The following BDH1 variants were observed in gnomAD, a reference collection of about 807,000 sequenced individuals.
The protein encoded by BDH1 is D-beta-hydroxybutyrate dehydrogenase, mitochondrial.
BDH1 carries 30 observed loss-of-function variants against 33.1 expected under a neutral mutation model. That is an observed-to-expected ratio of 0.91 (90% CI 0.68 to 1.23). The LOEUF (loss-of-function observed/expected upper bound fraction) is 1.23. Among genes scored for constraint, BDH1 ranks in the 50% most tolerant of loss-of-function variants. BDH1 has a pLI of 0.00. For missense variants in BDH1, 443 were observed against 464.4 expected (o/e 0.95, Z 0.42); for synonymous variants, 190 against 183.6 (o/e 1.03, Z -0.28).
intron 3 of BDH1, among the ~76,000 whole-genome samples, chr3:197,543,760 T>C (rs2108755547): frequency 6.6e-6 from 1 of 152,192 alleles, no homozygotes; most frequent in South Asian, 2.1e-4. Flanking sequence ...ACCTGGATGA[T>C]AGTGGGGAAA....
intron 1 of BDH1, among the ~76,000 whole-genome samples, chr3:197,563,907 GC>G (rs1467475072): frequency 6.6e-6 from 1 of 151,978 alleles, no homozygotes; most frequent in African/African-American, 2.4e-5. Context: ...TTTGAGACCA[GC>G]CTGGTCAACA....
rs772311219 is a variant in BDH1, at chr3:197,512,159, G to T, written c.768C>A (p.Ile256=). Reference sequence around the variant, plus strand: ...GCAGCTCCTCCCACATCTTCTTGGCGATGGCCTGAATGCTCTCAGGGCTGT... The same window carrying T: ...GCAGCTCCTCCCACATCTTCTTGGCTATGGCCTGAATGCTCTCAGGGCTGT... ...SLYSPESIQA[I]AKKMWEELPE... The change falls in exon 8 of 8, where the codon ATC becomes ATA. Residue 256 remains isoleucine, a synonymous_variant. Coordinates refer to ENST00000392379, the MANE Select transcript of BDH1 (RefSeq NM_203314.3). The T allele has an allele frequency of 2.2e-5, 35 of 1,614,148 alleles. No homozygotes were observed. The highest frequency in any genetic ancestry group is 3.0e-5 in the Non-Finnish European group (35 of 1,180,024).
chr3:197,543,037 G>A (rs900755590), intron 3 of BDH1: 18 of 985,306 alleles, frequency 1.8e-5, no homozygotes, highest in Admixed American at 6.1e-5. Flanking sequence ...TGGCCAGGGC[G>A]TTCATTCTGG....
Position 197,510,699 on chromosome 3 carries a change from GTGTGTGT to G in BDH1, c.*1189_*1195del. On this transcript the variant is annotated 3_prime_UTR_variant, in exon 8 of 8. Coordinates refer to ENST00000392379, the MANE Select transcript of BDH1 (RefSeq NM_203314.3). The stretch of plus-strand genomic sequence containing the variant: ...ATGTGTGTAAGGTGTGTGTGTGTGT[GTGTGTGT>G]GTGTGTGTGTGTACATGTGTGTAAG... The G allele has an allele frequency of 1.7e-5, 2 of 114,374 alleles. No individual in the cohort carries two copies. Among genetic ancestry groups the G allele is most frequent in the African/African-American group, 3.9e-5 (1 of 25,448 alleles). The allele number at this position is 114,374 out of a possible 1,614,324, so 7.1% of individuals were successfully genotyped here. A position where few individuals can be genotyped will look rare whatever the true frequency, so the allele number is the denominator to read the frequency against.
At chr3:197,532,234 G>C (rs760734232) in intron 5 of BDH1, among the ~76,000 whole-genome samples, 178 bp downstream of exon 5, 1 of 152,176 alleles carries the variant, frequency 6.6e-6, no homozygotes, top group Non-Finnish European at 1.5e-5. Context: ...TGGATGGATG[G>C]ATGCATGGAT....
chr3:197,557,039 C>T (rs952834472), upstream of BDH1, among the ~76,000 whole-genome samples: 5 of 152,244 alleles, frequency 3.3e-5, no homozygotes, highest in African/African-American at 1.2e-4. This position sits in a 1 kb window ranked among gnomAD's most constrained non-coding sequence, Gnocchi z 4.6. Context: ...CTGATTCCCC[C>T]TTTGGAGAGG....
Position 197,514,023 on chromosome 3 carries a change from C to T in BDH1, c.562+241G>A. ...GTGTGCAGAGTGGATGGCTGCTCAACTCTTTAAGCTTTTGCTGCATGGACC... is the reference window on the plus strand; with the variant it reads ...GTGTGCAGAGTGGATGGCTGCTCAATTCTTTAAGCTTTTGCTGCATGGACC... On this transcript the variant is annotated intron_variant, in intron 7 of 7. Transcript: ENST00000392379. This position sits in a 1 kb window ranked among gnomAD's most constrained non-coding sequence, Gnocchi z 4.2. The T allele has an allele frequency of 4.0e-6, 2 of 498,292 alleles. No individual in the cohort carries two copies. Among genetic ancestry groups the T allele is most frequent in the Non-Finnish European group, 7.0e-6 (2 of 284,730 alleles). 30.9% of individuals were successfully genotyped at this position (498,292 alleles called of 1,614,324 possible).
intron 1 of BDH1, among the ~76,000 whole-genome samples, chr3:197,563,808 A>C (rs558120482): frequency 6.4e-4 from 98 of 152,276 alleles, no homozygotes; most frequent in African/African-American, 2.3e-3. Context: ...AAAGAGATGT[A>C]AAGAAAGTTA....
intron 2 of BDH1, among the ~76,000 whole-genome samples, chr3:197,550,442 G>T (rs1003834260): frequency 2.0e-5 from 3 of 152,154 alleles, no homozygotes; most frequent in African/African-American, 7.2e-5. Context: ...CTGCTCACCT[G>T]ATGTCCCCTC....
Position 197,520,055 on chromosome 3 carries a change from C to T in BDH1, c.409+2585G>A, listed in dbSNP as rs143050533. Among the ~76,000 whole-genome samples the T allele has an allele frequency of 6.6e-5, 10 of 152,106 alleles. 1 individual carries two copies. In the East Asian group the frequency reaches 1.4e-3, roughly 21 times the overall value. ...GGGTGTGGGTCGGTGGCGGCCACTGCGGGTCGGAACGCTCTGGGAGGGTGC... is the reference window on the plus strand; with the variant it reads ...GGGTGTGGGTCGGTGGCGGCCACTGTGGGTCGGAACGCTCTGGGAGGGTGC... On this transcript the variant is annotated intron_variant, in intron 6 of 7. Coordinates refer to ENST00000392379, the MANE Select transcript of BDH1 (RefSeq NM_203314.3). The surrounding 1 kb of genome is among the most constrained non-coding windows in gnomAD (Gnocchi z 6.0).
At chr3:197,536,558 C>T (rs758976563) in intron 3 of BDH1, among the ~76,000 whole-genome samples, 93 of 152,178 alleles carry the variant, frequency 6.1e-4, no homozygotes, top group Non-Finnish European at 5.6e-4. Context: ...ACCATACATG[C>T]GGCCGGGCAT....
chr3:197,533,600 T>C, intron 3 of BDH1, 39 bp from the exon 4 acceptor site: 6 of 1,599,070 alleles, frequency 3.8e-6, no homozygotes, highest in Non-Finnish European at 5.1e-6. Context: ...AAGGACAGAC[T>C]AGACAGACCC....
chr3:197,563,551 T>C (rs1464633362), intron 1 of BDH1, among the ~76,000 whole-genome samples: 4 of 152,204 alleles, frequency 2.6e-5, no homozygotes, highest in Non-Finnish European at 4.4e-5. Context: ...TCATAAATCA[T>C]CTAAAACAAT....
chr3:197,538,334 A>T, intron 3 of BDH1: 1 of 456,110 alleles, frequency 2.2e-6, no homozygotes, highest in South Asian at 1.5e-5. Context: ...GACGCCATTC[A>T]AATTTTGTTT....
intron 3 of BDH1, among the ~76,000 whole-genome samples, chr3:197,539,798 C>T (rs1388476602): frequency 6.6e-6 from 1 of 152,236 alleles, no homozygotes; most frequent in East Asian, 1.9e-4. Context: ...AACACTCTGT[C>T]ACTGGCCTTC....
At chr3:197,543,272 A>G (rs1715808929) in intron 3 of BDH1, 1 of 723,970 alleles carries the variant, frequency 1.4e-6, no homozygotes, top group Non-Finnish European at 1.7e-6. Flanking sequence ...CTGTTTGACC[A>G]TGAATCCCGC....
At chr3:197,519,029 C>T (rs116990104) in intron 6 of BDH1, among the ~76,000 whole-genome samples, 1,052 of 97,228 alleles carry the variant, frequency 0.011, 26 homozygotes, top group East Asian at 0.081. Flanking sequence ...GCTCTATGGT[C>T]TCCATCCCCC....
rs376770971 is a variant in BDH1, at chr3:197,515,433, C to T, written c.410-1017G>A. On this transcript the variant is annotated intron_variant, in intron 6 of 7. Coordinates refer to ENST00000392379, the MANE Select transcript of BDH1 (RefSeq NM_203314.3). The stretch of plus-strand genomic sequence containing the variant: ...ACAGCTCCCACTGTCTCCCTGCAGA[C>T]GCGCCCTGAGTCTTCACCTTCTTCT... The T allele has an allele frequency of 2.1e-4, 203 of 985,684 alleles. 1 individual carries two copies. The highest frequency in any genetic ancestry group is 1.1e-3 in the East Asian group (10 of 8,814). 61.1% of individuals were successfully genotyped at this position (985,684 alleles called of 1,614,324 possible). A position where few individuals can be genotyped will look rare whatever the true frequency, so the allele number is the denominator to read the frequency against.
At chr3:197,524,841 C>T (rs1209724718) in intron 5 of BDH1, among the ~76,000 whole-genome samples, 2 of 152,086 alleles carry the variant, frequency 1.3e-5, no homozygotes, top group Non-Finnish European at 2.9e-5. Flanking sequence ...CTACCTAACA[C>T]CGCTTCCGTT....
Sources: allele counts gnomAD v4.1 joint callset (sites outside exome capture counted in the v4.1 genomes callset), GRCh38; gene constraint gnomAD v4.1.1; non-coding constraint Gnocchi (gnomAD v3.1); transcripts MANE v1.5; gene names NCBI Gene and HGNC (gene_info 2026-07-23, HGNC 2026-07-21).